CPNE4: variants seen among roughly 807,000 people sequenced by gnomAD.
The protein encoded by CPNE4 is copine-4.
In CPNE4, 25 loss-of-function variants were observed where a neutral mutation model predicts 67.9. The observed-to-expected ratio is 0.37, with a 90% CI of 0.27 to 0.51. The LOEUF (loss-of-function observed/expected upper bound fraction) is 0.51, where lower values mean the gene tolerates loss of function less well. Ranked by LOEUF, CPNE4 falls within the 20% of genes least tolerant of loss-of-function variation. CPNE4 has a pLI of 0.93. For missense variants in CPNE4, 464 were observed against 690.8 expected (o/e 0.67, Z 3.68); for synonymous variants, 242 against 244.9 (o/e 0.99, Z 0.11).
At chr3:131,942,232 TTCTC>T (rs1470521804) in intron 1 of CPNE4, among the ~76,000 whole-genome samples, 1 of 152,060 alleles carries the variant, frequency 6.6e-6, no homozygotes, top group Non-Finnish European at 1.5e-5. Flanking sequence ...ACTTATTGCT[TTCTC>T]TCTCTTTAAA....
chr3:131,892,137 A>C (rs1016324312), intron 2 of CPNE4, among the ~76,000 whole-genome samples: 2 of 152,156 alleles, frequency 1.3e-5, no homozygotes, highest in Admixed American at 1.3e-4. Context: ...GAGATCCCCA[A>C]ACAGTCCCCA....
intron 1 of CPNE4, among the ~76,000 whole-genome samples, chr3:132,013,420 G>A (rs2073819130): frequency 6.6e-6 from 1 of 151,988 alleles, no homozygotes; most frequent in Non-Finnish European, 1.5e-5. Context: ...ACCCTTTATT[G>A]GGAACAGGAA....
At chr3:131,869,526 G>C (rs1482894399) in intron 2 of CPNE4, among the ~76,000 whole-genome samples, 1 of 152,072 alleles carries the variant, frequency 6.6e-6, no homozygotes, top group Non-Finnish European at 1.5e-5. Context: ...AGTTAGCTCA[G>C]CTTTTCATAA....
intron 2 of CPNE4, among the ~76,000 whole-genome samples, chr3:131,862,744 C>T (rs1450316817): frequency 6.6e-6 from 1 of 151,336 alleles, no homozygotes; most frequent in Non-Finnish European, 1.5e-5. Flanking sequence ...TTTTAAGGTA[C>T]ATGTACACAA....
At chr3:131,933,937 G>T in intron 1 of CPNE4, among the ~76,000 whole-genome samples, 1 of 63,746 alleles carries the variant, frequency 1.6e-5, no homozygotes. Flanking sequence ...TACAGTTAGT[G>T]AGAAGAGAAA....
chr3:131,949,315 A>T (rs1487492432), intron 1 of CPNE4, among the ~76,000 whole-genome samples: 2 of 152,220 alleles, frequency 1.3e-5, no homozygotes, highest in Non-Finnish European at 2.9e-5. Flanking sequence ...TAAAACATTC[A>T]TTGAGCATCA....
chr3:131,920,922 T>A (rs1234023250), intron 1 of CPNE4, among the ~76,000 whole-genome samples: 1 of 152,158 alleles, frequency 6.6e-6, no homozygotes, highest in Non-Finnish European at 1.5e-5. Context: ...AAAGACAGAT[T>A]TACATGGTAA....
chr3:131,743,488 C>T (rs949685553), intron 2 of CPNE4, among the ~76,000 whole-genome samples: 1 of 152,174 alleles, frequency 6.6e-6, no homozygotes, highest in Non-Finnish European at 1.5e-5. Flanking sequence ...ACACCAGCCT[C>T]ATTTAAGAAT....
In CPNE4 at chr3:131,535,416, G is replaced by T. The variant is rs1935082029; in HGVS notation, c.1540-87C>A. 1.3e-5 allele frequency: 17 copies of T among 1,353,744 alleles called. No homozygotes were observed. The South Asian group carries it at 2.4e-4, about 19-fold the overall frequency. 83.9% of individuals were successfully genotyped at this position (1,353,744 alleles called of 1,614,324 possible). A position where few individuals can be genotyped will look rare whatever the true frequency, so the allele number is the denominator to read the frequency against. On this transcript the variant is annotated intron_variant, in intron 15 of 15. Coordinates refer to ENST00000429747, the MANE Select transcript of CPNE4 (RefSeq NM_130808.3). ...AAAGATTTGAGTCCTGCTCTGGGCA[G>T]CTAAGTTTCATTCACTTTCATTCAT... is the stretch of plus-strand genomic sequence containing the variant.
chr3:131,926,293 C>T (rs377156871), intron 1 of CPNE4, among the ~76,000 whole-genome samples: 4 of 152,156 alleles, frequency 2.6e-5, no homozygotes, highest in East Asian at 1.9e-4. Flanking sequence ...CTGAGTTAGC[C>T]TGTGACAAGC....
At chr3:131,788,902 G>A (rs1184410497) in intron 2 of CPNE4, among the ~76,000 whole-genome samples, 3 of 151,468 alleles carry the variant, frequency 2.0e-5, no homozygotes, top group Admixed American at 6.6e-5. Context: ...TGATTATGTC[G>A]GGATGGTAGA....
intron 7 of CPNE4, among the ~76,000 whole-genome samples, chr3:131,634,146 A>G (rs1056308713): frequency 6.6e-6 from 1 of 152,118 alleles, no homozygotes; most frequent in African/African-American, 2.4e-5. Flanking sequence ...TTTAATAAAA[A>G]TATACTCTTA....
chr3:131,956,989 C>T (rs939779353), intron 1 of CPNE4, among the ~76,000 whole-genome samples: 5 of 152,208 alleles, frequency 3.3e-5, no homozygotes, highest in East Asian at 3.9e-4. Flanking sequence ...TTTAAATTGC[C>T]ATTGTTTTCT....
rs974098111 is a variant in CPNE4 at position 131,781,633 on chromosome 3, G to A, written c.181-58008C>T. 2.6e-5 allele frequency among the ~76,000 whole-genome samples: 4 copies of A among 152,136 alleles called. No homozygotes were observed. In the East Asian group the frequency reaches 5.8e-4, roughly 22 times the overall value. ...TGAAGTCAAAGAAAAACACCCATTGGGTGAGGCCACAAAAGTGTAAACTCA... is the reference window on the plus strand; with the variant it reads ...TGAAGTCAAAGAAAAACACCCATTGAGTGAGGCCACAAAAGTGTAAACTCA... On this transcript the variant is annotated intron_variant, in intron 2 of 15. Transcript: ENST00000429747.
chr3:131,589,236 C>T (rs1938382781), intron 7 of CPNE4, among the ~76,000 whole-genome samples: 1 of 152,168 alleles, frequency 6.6e-6, no homozygotes, highest in African/African-American at 2.4e-5. Context: ...ACCCGGGAAA[C>T]TCACAGTGCA....
intron 11 of CPNE4, among the ~76,000 whole-genome samples, chr3:131,561,077 C>G (rs548227176): frequency 6.6e-6 from 1 of 152,162 alleles, no homozygotes; most frequent in African/African-American, 2.4e-5. Context: ...GAAATGCTGC[C>G]TTGGTTTCTG....
chr3:131,799,525 A>T (rs917856218), intron 2 of CPNE4, among the ~76,000 whole-genome samples: 1 of 152,104 alleles, frequency 6.6e-6, no homozygotes, highest in Non-Finnish European at 1.5e-5. Flanking sequence ...TTTGTTTTTT[A>T]AAATTTTGTT....
intron 4 of CPNE4, among the ~76,000 whole-genome samples, chr3:131,697,872 T>C (rs534921607): frequency 4.6e-5 from 7 of 152,236 alleles, no homozygotes; most frequent in African/African-American, 1.7e-4. Flanking sequence ...TTTCAAGTGT[T>C]TTCTAGAAGC....
intron 7 of CPNE4, among the ~76,000 whole-genome samples, chr3:131,632,420 G>C (rs2079254031): frequency 6.6e-6 from 1 of 152,110 alleles, no homozygotes; most frequent in African/African-American, 2.4e-5. Flanking sequence ...AAGTCACTCA[G>C]TCAGTAAGTA....
Sources: gnomAD v4.1 joint callset for allele counts (sites outside exome capture counted in the v4.1 genomes callset) on GRCh38, gnomAD v4.1.1 for gene constraint, MANE v1.5 for transcripts, NCBI Gene and HGNC (gene_info 2026-07-23, HGNC 2026-07-21) for gene names.